Variants in USP6NL observed in about 807,000 individuals in gnomAD.
USP6NL encodes USP6 N-terminal-like protein.
Under a neutral mutation model 61.9 loss-of-function variants are expected in USP6NL, and 26 were observed. The ratio of observed to expected loss-of-function variants is 0.42; its 90% CI spans 0.31 to 0.58. The LOEUF is 0.58. Among genes scored for constraint, USP6NL ranks in the 20% least tolerant of loss-of-function variants. The probability of loss-of-function intolerance (pLI) is 0.16; values close to 1 mark genes in which losing one functional copy is unlikely to be tolerated. For synonymous variants in USP6NL, 432 were observed against 390.1 expected (o/e 1.11, Z -1.27); for missense variants, 1,114 against 1,034.3 (o/e 1.08, Z -1.06).
At chr10:11,514,767 T>C (rs1201844824) in intron 5 of USP6NL, among the ~76,000 whole-genome samples, 1 of 152,214 alleles carries the variant, frequency 6.6e-6, no homozygotes. Flanking sequence ...TTCTCACCAA[T>C]GAAATTTTTA....
intron 7 of USP6NL, among the ~76,000 whole-genome samples, chr10:11,498,009 G>A (rs935096748): frequency 1.3e-5 from 2 of 151,862 alleles, no homozygotes; most frequent in Non-Finnish European, 2.9e-5. Context: ...AGGCCAAGGC[G>A]GGTGGATCAC....
rs1322505523 is a variant in USP6NL, at chr10:11,490,944, T to C, written c.495-64A>G. 5.9e-5 allele frequency: 83 copies of C among 1,401,232 alleles called. 1 individual carries two copies. Among genetic ancestry groups the C allele is most frequent in the Non-Finnish European group, 7.6e-5 (79 of 1,040,178 alleles). The allele number at this position is 1,401,232 out of a possible 1,614,324, so 86.8% of individuals were successfully genotyped here. On this transcript the variant is annotated intron_variant, in intron 8 of 14. Coordinates refer to ENST00000609104, the MANE Select transcript of USP6NL (RefSeq NM_014688.5). The surrounding 1 kb of genome is among the most constrained non-coding windows in gnomAD (Gnocchi z 4.5). Reference sequence around the variant, plus strand: ...TTCACATATTTTAAAAATTACAAACTTAAAAAAATAAACCAAAGACTGACT... The same window carrying C: ...TTCACATATTTTAAAAATTACAAACCTAAAAAAATAAACCAAAGACTGACT...
At position 11,482,781 on chromosome 10, in the gene USP6NL, G is replaced by C. The variant is rs548998371; in HGVS notation, c.926-859C>G. ...AACGTATTTTTAAGACAATCAGTAA[G>C]AAAAAAAAGAAAAAGGAAAAAATTT... On this transcript the variant is annotated intron_variant, in intron 13 of 14. Coordinates refer to ENST00000609104, the MANE Select transcript of USP6NL (RefSeq NM_014688.5). This position sits in a 1 kb window ranked among gnomAD's most constrained non-coding sequence, Gnocchi z 4.0. Among the ~76,000 whole-genome samples the C allele has an allele frequency of 6.6e-6, 1 of 151,274 alleles. No individual in the cohort carries two copies. Among genetic ancestry groups the C allele is most frequent in the African/African-American group, 2.4e-5 (1 of 41,178 alleles).
chr10:11,486,158 T>TA (rs3057313), intron 10 of USP6NL, among the ~76,000 whole-genome samples: 10,982 of 139,748 alleles, frequency 0.079, 529 homozygotes, highest in South Asian at 0.2. Flanking sequence ...AGGGAAACCT[T>TA]AAAAAAAAAA....
intron 2 of USP6NL, among the ~76,000 whole-genome samples, chr10:11,555,675 C>G (rs1325283388): frequency 4.6e-5 from 7 of 151,128 alleles, no homozygotes; most frequent in East Asian, 1.9e-4. Flanking sequence ...ACAACAAACC[C>G]CAAGCAGAAT....
rs543468343 is a variant in USP6NL at position 11,471,891 on chromosome 10, G to T, written c.1079-8042C>A. On this transcript the variant is annotated intron_variant, in intron 14 of 14. Coordinates refer to ENST00000609104, the MANE Select transcript of USP6NL (RefSeq NM_014688.5). ...ACCTAATGTAAATGACGAGTTAATGGGTGCAGCACACCAACATGGCACATG... is the reference window on the plus strand; with the variant it reads ...ACCTAATGTAAATGACGAGTTAATGTGTGCAGCACACCAACATGGCACATG... 3.3e-5 allele frequency among the ~76,000 whole-genome samples: 5 copies of T among 151,184 alleles called. No individual in the cohort carries two copies. In the East Asian group the frequency reaches 9.7e-4, roughly 29 times the overall value.
At chr10:11,500,180 G>A (rs1456376244) in intron 7 of USP6NL, among the ~76,000 whole-genome samples, 1 of 152,140 alleles carries the variant, frequency 6.6e-6, no homozygotes, top group Non-Finnish European at 1.5e-5. Flanking sequence ...AGGGGTGGAG[G>A]TGGGAGGGAG....
rs374130577 is a variant in USP6NL, at chr10:11,525,540, G to A, written c.73-72C>T. The A allele has an allele frequency of 2.2e-5, 28 of 1,252,618 alleles. No homozygotes were observed. In the South Asian group the frequency reaches 3.0e-4, roughly 13 times the overall value. The allele number at this position is 1,252,618 out of a possible 1,614,324, so 77.6% of individuals were successfully genotyped here. A position where few individuals can be genotyped will look rare whatever the true frequency, so the allele number is the denominator to read the frequency against. ...GAATAATTTTTTAAAATAAAAGGAC[G>A]AAGAAATAAGAGCTATTTTTAATGT... is the stretch of plus-strand genomic sequence containing the variant. On this transcript the variant is annotated intron_variant, in intron 3 of 14. Transcript: ENST00000609104. The surrounding 1 kb of genome is among the most constrained non-coding windows in gnomAD (Gnocchi z 5.0).
At position 11,489,772 on chromosome 10, in the gene USP6NL, T is replaced by C. The variant is rs1833632137; in HGVS notation, c.544-550A>G. On this transcript the variant is annotated intron_variant, in intron 9 of 14. Coordinates refer to ENST00000609104, the MANE Select transcript of USP6NL (RefSeq NM_014688.5). The surrounding 1 kb of genome is among the most constrained non-coding windows in gnomAD (Gnocchi z 5.7). ...AGCTAATGGACCAGAAGAGGACAGC[T>C]GACCCCAGGGGAACAGTTATTTGGT... Among the ~76,000 whole-genome samples, 2 of 152,344 alleles carry C rather than the reference T, an allele frequency of 1.3e-5. No individual in the cohort carries two copies. The highest frequency in any genetic ancestry group is 6.5e-5 in the Admixed American group (1 of 15,304).
chr10:11,564,800 C>G (rs1035052255), intron 2 of USP6NL: 5 of 152,178 alleles, frequency 3.3e-5, no homozygotes, highest in Admixed American at 6.5e-5. Flanking sequence ...TGAGTACCTT[C>G]AATTACATTG....
At chr10:11,523,325 C>T (rs1835283597) in intron 4 of USP6NL, among the ~76,000 whole-genome samples, 1 of 152,178 alleles carries the variant, frequency 6.6e-6, no homozygotes, top group Non-Finnish European at 1.5e-5. Flanking sequence ...GAATGTCTTC[C>T]CACCCAACTA....
At position 11,512,470 on chromosome 10, in the gene USP6NL, T is replaced by C. The variant is rs75991342; in HGVS notation, c.196-2795A>G. Reference sequence around the variant, plus strand: ...CTTGTCTTCACTCCAGCCTCCACACTGCTACCACAACCCTTCACACATGTC... The same window carrying C: ...CTTGTCTTCACTCCAGCCTCCACACCGCTACCACAACCCTTCACACATGTC... On this transcript the variant is annotated intron_variant, in intron 5 of 14. Coordinates refer to ENST00000609104, the MANE Select transcript of USP6NL (RefSeq NM_014688.5). Among the ~76,000 whole-genome samples, 11 of 152,310 alleles carry C rather than the reference T, an allele frequency of 7.2e-5. No individual in the cohort carries two copies. The East Asian group carries it at 1.7e-3, about 24-fold the overall frequency.
rs905969588 is a variant in USP6NL, at chr10:11,510,428, A to C, written c.196-753T>G. 6.6e-6 allele frequency among the ~76,000 whole-genome samples: 1 copy of C among 152,178 alleles called. No homozygotes were observed. The highest frequency in any genetic ancestry group is 1.9e-4 in the East Asian group (1 of 5,198). On this transcript the variant is annotated intron_variant, in intron 5 of 14. Coordinates refer to ENST00000609104, the MANE Select transcript of USP6NL (RefSeq NM_014688.5). The surrounding 1 kb of genome is among the most constrained non-coding windows in gnomAD (Gnocchi z 4.8). ...CCTTGAGAATGCATGTATTTCTGAGACAGCAGGGGCCGACAGCAGCTCCAA... is the reference window on the plus strand; with the variant it reads ...CCTTGAGAATGCATGTATTTCTGAGCCAGCAGGGGCCGACAGCAGCTCCAA...
rs1044928152 is a variant in USP6NL at position 11,540,401 on chromosome 10, T to C, written c.5-12834A>G. On this transcript the variant is annotated intron_variant, in intron 2 of 14. Transcript: ENST00000609104. This position sits in a 1 kb window ranked among gnomAD's most constrained non-coding sequence, Gnocchi z 5.0. ...TGACACTGAACTTTACTAAAACACT[T>C]TATCCTTTTAGTATTACTAAAGCAA... Among the ~76,000 whole-genome samples, 5 of 152,190 alleles carry C rather than the reference T, an allele frequency of 3.3e-5. No homozygotes were observed. Among genetic ancestry groups the C allele is most frequent in the African/African-American group, 1.2e-4 (5 of 41,450 alleles).
Position 11,482,752 on chromosome 10 carries a change from T to C in USP6NL, c.926-830A>G, listed in dbSNP as rs1468630697. 1.3e-5 allele frequency among the ~76,000 whole-genome samples: 2 copies of C among 152,074 alleles called. No homozygotes were observed. Among genetic ancestry groups the C allele is most frequent in the Non-Finnish European group, 2.9e-5 (2 of 67,994 alleles). Reference sequence around the variant, plus strand: ...AAACCACTGTGTGATGAACCTCCAGTAACAACGTATTTTTAAGACAATCAG... The same window carrying C: ...AAACCACTGTGTGATGAACCTCCAGCAACAACGTATTTTTAAGACAATCAG... On this transcript the variant is annotated intron_variant, in intron 13 of 14. Transcript: ENST00000609104. The surrounding 1 kb of genome is among the most constrained non-coding windows in gnomAD (Gnocchi z 4.0).
In USP6NL at chr10:11,490,906, A is replaced by G; in HGVS notation, c.495-26T>C. 6.6e-7 allele frequency: 1 copy of G among 1,510,806 alleles called. No individual in the cohort carries two copies. Among genetic ancestry groups the G allele is most frequent in the Non-Finnish European group, 8.9e-7 (1 of 1,129,142 alleles). 93.6% of individuals were successfully genotyped at this position (1,510,806 alleles called of 1,614,324 possible). A position where few individuals can be genotyped will look rare whatever the true frequency, so the allele number is the denominator to read the frequency against. ...CTAGAGAAAAAAATTTACATTAAATACAATTTAGTAATTTCACATATTTTA... is the reference window on the plus strand; with the variant it reads ...CTAGAGAAAAAAATTTACATTAAATGCAATTTAGTAATTTCACATATTTTA... On this transcript the variant is annotated intron_variant, in intron 8 of 14. Coordinates refer to ENST00000609104, the MANE Select transcript of USP6NL (RefSeq NM_014688.5). The surrounding 1 kb of genome is among the most constrained non-coding windows in gnomAD (Gnocchi z 4.5).
At chr10:11,473,604 G>A (rs1276769900) in intron 14 of USP6NL, among the ~76,000 whole-genome samples, 1 of 152,208 alleles carries the variant, frequency 6.6e-6, no homozygotes, top group Non-Finnish European at 1.5e-5. Flanking sequence ...AGAGCTGTGA[G>A]CTGCAAGGCG....
chr10:11,514,109 T>C (rs1005183128), intron 5 of USP6NL, among the ~76,000 whole-genome samples: 1 of 152,242 alleles, frequency 6.6e-6, no homozygotes, highest in East Asian at 1.9e-4. Context: ...TTTCCATTAA[T>C]AGAGAAATTC....
chr10:11,529,927 C>T (rs1835579612), intron 2 of USP6NL, among the ~76,000 whole-genome samples: 1 of 151,874 alleles, frequency 6.6e-6, no homozygotes, highest in South Asian at 2.1e-4. Context: ...ATGGTGAAAC[C>T]TAGTCTCTAC....
Sources: allele counts gnomAD v4.1 joint callset (sites outside exome capture counted in the v4.1 genomes callset), GRCh38; gene constraint gnomAD v4.1.1; non-coding constraint Gnocchi (gnomAD v3.1); transcripts MANE v1.5; gene names NCBI Gene and HGNC (gene_info 2026-07-23, HGNC 2026-07-21).